Variants in CCSER1 observed in about 807,000 individuals in gnomAD.
The protein encoded by CCSER1 is serine-rich coiled-coil domain-containing protein 1.
Under a neutral mutation model 82.0 loss-of-function variants are expected in CCSER1, and 41 were observed. The ratio of observed to expected loss-of-function variants is 0.50; its 90% confidence interval spans 0.39 to 0.65. The LOEUF is 0.65. Among genes scored for constraint, CCSER1 ranks in the 30% least tolerant of loss-of-function variants. The pLI, the probability that CCSER1 is intolerant of heterozygous loss-of-function variation, is 0.00. For synonymous variants in CCSER1, 414 were observed against 383.9 expected, an observed-to-expected ratio of 1.08 and a Z score of -0.92; for missense variants, 1,119 against 1,064.2, an observed-to-expected ratio of 1.05 and a Z score of -0.72.
At chr4:90,150,630 T>C (rs1208560550) in intron 1 of CCSER1, among the ~76,000 whole-genome samples, 1 of 152,166 alleles carries the variant, frequency 6.6e-6, no homozygotes, top group Non-Finnish European at 1.5e-5. Flanking sequence ...CTAAATGTAA[T>C]AAGCAATTTG....
chr4:90,391,609 C>T (rs1008706551), intron 3 of CCSER1, among the ~76,000 whole-genome samples: 3 of 147,648 alleles, frequency 2.0e-5, no homozygotes, highest in Non-Finnish European at 4.5e-5. Context: ...AGAGTGAGAT[C>T]GTATGTCATT....
chr4:90,564,698 T>A (rs929045054), intron 5 of CCSER1, among the ~76,000 whole-genome samples: 2 of 151,852 alleles, frequency 1.3e-5, no homozygotes, highest in East Asian at 1.9e-4. Flanking sequence ...TTTTTTTTTT[T>A]AATATGGTGT....
intron 3 of CCSER1, among the ~76,000 whole-genome samples, chr4:90,356,075 T>C (rs1272891431): frequency 2.6e-5 from 4 of 151,932 alleles, no homozygotes. Flanking sequence ...TATAAAAGTA[T>C]GTAATTAACA....
intron 9 of CCSER1, among the ~76,000 whole-genome samples, chr4:91,025,716 C>G (rs1165073380): frequency 1.3e-5 from 2 of 152,096 alleles, no homozygotes; most frequent in South Asian, 2.1e-4. Flanking sequence ...AGGGAGAAAT[C>G]CTTTCTCTGT....
intron 1 of CCSER1, among the ~76,000 whole-genome samples, chr4:90,164,247 A>G (rs1202996602): frequency 6.8e-6 from 1 of 146,024 alleles, no homozygotes; most frequent in Non-Finnish European, 1.5e-5. Context: ...ACAATTTCCT[A>G]CATTCTTAAG....
chr4:90,158,146 C>T (rs1010466067), intron 1 of CCSER1, among the ~76,000 whole-genome samples: 1 of 151,464 alleles, frequency 6.6e-6, no homozygotes, highest in Non-Finnish European at 1.5e-5. Flanking sequence ...CCACTCCAGA[C>T]CCTGTTTGCC....
chr4:90,714,169 T>G (rs1030141625), intron 6 of CCSER1, among the ~76,000 whole-genome samples: 11 of 152,166 alleles, frequency 7.2e-5, no homozygotes, highest in African/African-American at 2.6e-4. Flanking sequence ...ATATCTACTT[T>G]TAAATATCTA....
intron 10 of CCSER1, among the ~76,000 whole-genome samples, chr4:91,102,983 G>T (rs1176873459): frequency 6.6e-6 from 1 of 151,356 alleles, no homozygotes; most frequent in African/African-American, 2.4e-5. Context: ...TTTCTGTTTT[G>T]GTTTATATTT....
chr4:90,429,107 C>T (rs961933272), intron 4 of CCSER1, among the ~76,000 whole-genome samples: 1 of 151,702 alleles, frequency 6.6e-6, no homozygotes, highest in Non-Finnish European at 1.5e-5. Context: ...TAGGAACCGT[C>T]AGTACTATCA....
chr4:91,200,178 T>C (rs896920054), intron 10 of CCSER1, among the ~76,000 whole-genome samples: 1 of 86,914 alleles, frequency 1.2e-5, no homozygotes, highest in African/African-American at 4.9e-5. Flanking sequence ...CTATTCTTTT[T>C]AGTTGATTTT....
chr4:90,644,680 C>T (rs1727175983), intron 6 of CCSER1, among the ~76,000 whole-genome samples: 1 of 151,906 alleles, frequency 6.6e-6, no homozygotes, highest in Non-Finnish European at 1.5e-5. Context: ...CATGTGTTCT[C>T]ATTATTCAGC....
At chr4:90,341,263 G>T (rs546106164) in intron 3 of CCSER1, among the ~76,000 whole-genome samples, 1 of 152,012 alleles carries the variant, frequency 6.6e-6, no homozygotes, top group Admixed American at 6.6e-5. Context: ...ATTTGTTGAA[G>T]TGCTTAGCTC....
intron 10 of CCSER1, among the ~76,000 whole-genome samples, chr4:91,481,785 A>C (rs914525318): frequency 6.6e-6 from 1 of 152,230 alleles, no homozygotes; most frequent in Non-Finnish European, 1.5e-5. Context: ...GGATCTAATT[A>C]AACTAAAAAG....
chr4:90,420,921 C>T (rs1175133609), intron 4 of CCSER1, among the ~76,000 whole-genome samples: 2 of 152,088 alleles, frequency 1.3e-5, no homozygotes, highest in African/African-American at 2.4e-5. Flanking sequence ...TATAAAATTT[C>T]ATGGCCTCTT....
chr4:90,383,895 C>A (rs1749602866), intron 3 of CCSER1, among the ~76,000 whole-genome samples: 1 of 151,842 alleles, frequency 6.6e-6, no homozygotes, highest in Non-Finnish European at 1.5e-5. Flanking sequence ...TGCCACCATG[C>A]CTGGCTAACT....
At chr4:91,474,785 GTGTA>G (rs1212089534) in intron 10 of CCSER1, among the ~76,000 whole-genome samples, 5 of 54,378 alleles carry the variant, frequency 9.2e-5, no homozygotes, top group Non-Finnish European at 1.8e-4. Flanking sequence ...ATATATATTT[GTGTA>G]TATATATATA....
chr4:91,168,332 C>T (rs565861731), intron 10 of CCSER1, among the ~76,000 whole-genome samples: 3 of 146,338 alleles, frequency 2.1e-5, no homozygotes, highest in Non-Finnish European at 3.0e-5. Context: ...CCGGCCACCC[C>T]CTCTGGGAAG....
chr4:90,384,644 C>G (rs1166907602), intron 3 of CCSER1, among the ~76,000 whole-genome samples: 5 of 152,128 alleles, frequency 3.3e-5, no homozygotes, highest in Non-Finnish European at 7.3e-5. Context: ...GTATTCCTCT[C>G]TAACTTCCTC....
intron 10 of CCSER1, among the ~76,000 whole-genome samples, chr4:91,092,043 T>C (rs1724013950): frequency 6.6e-6 from 1 of 152,158 alleles, no homozygotes; most frequent in Non-Finnish European, 1.5e-5. Flanking sequence ...GTATCCTGTT[T>C]TCTTAGAGGG....
Sources: allele counts gnomAD v4.1 joint callset (sites outside exome capture counted in the v4.1 genomes callset), GRCh38; gene constraint gnomAD v4.1.1; transcripts MANE v1.5; gene names NCBI Gene and HGNC (gene_info 2026-07-23, HGNC 2026-07-21).